NKAIN3: variants seen among roughly 807,000 people sequenced by gnomAD.
NKAIN3 encodes sodium/potassium-transporting ATPase subunit beta-1-interacting protein 3.
A neutral mutation model predicts 30.2 loss-of-function variants in NKAIN3; 25 were observed. That is an observed-to-expected ratio of 0.83 (90% CI 0.60 to 1.16). NKAIN3 has a LOEUF of 1.16. NKAIN3 is among the 50% of genes most tolerant of loss of function. The pLI is 0.00. For synonymous variants in NKAIN3, 91 were observed against 89.6 expected, an observed-to-expected ratio of 1.02 and a Z score of -0.09; for missense variants, 225 against 254.1, an observed-to-expected ratio of 0.89 and a Z score of 0.78.
intron 1 of NKAIN3, among the ~76,000 whole-genome samples, chr8:62,268,904 C>A (rs12541388): frequency 0.085 from 12,893 of 152,222 alleles, 754 homozygotes; most frequent in Non-Finnish European, 0.12. Flanking sequence ...GAGAAAAGGG[C>A]TCTCTAAATA....
intron 1 of NKAIN3, among the ~76,000 whole-genome samples, chr8:62,454,544 G>A (rs1007899013): frequency 9.7e-6 from 1 of 102,860 alleles, no homozygotes; most frequent in East Asian, 2.4e-4. Context: ...AAATTGAACT[G>A]TCATTCATGC....
At chr8:62,784,119 A>T (rs1030172889) in intron 4 of NKAIN3, among the ~76,000 whole-genome samples, 2 of 152,096 alleles carry the variant, frequency 1.3e-5, no homozygotes, top group Admixed American at 1.3e-4. Context: ...AATGTACAAG[A>T]CACAGCTAAC....
At chr8:62,779,028 G>A (rs943198021) in intron 4 of NKAIN3, among the ~76,000 whole-genome samples, 11 of 151,968 alleles carry the variant, frequency 7.2e-5, no homozygotes, top group Admixed American at 4.6e-4. Context: ...CTGGAATGGG[G>A]GCCTCAGGAC....
intron 1 of NKAIN3, among the ~76,000 whole-genome samples, chr8:62,434,409 T>C (rs982816988): frequency 6.6e-6 from 1 of 152,166 alleles, no homozygotes; most frequent in African/African-American, 2.4e-5. Context: ...GCAAGGCTTT[T>C]CAGCCCTGAG....
intron 1 of NKAIN3, among the ~76,000 whole-genome samples, chr8:62,441,685 A>G (rs976426017): frequency 5.3e-5 from 8 of 152,016 alleles, no homozygotes; most frequent in African/African-American, 1.9e-4. Context: ...GTAGATGAAC[A>G]TATATTGGTA....
chr8:62,936,709 T>A (rs1822798948), intron 5 of NKAIN3, among the ~76,000 whole-genome samples: 1 of 152,106 alleles, frequency 6.6e-6, no homozygotes, highest in Non-Finnish European at 1.5e-5. Flanking sequence ...TTTAAACCAT[T>A]CCATCTTATT....
intron 4 of NKAIN3, among the ~76,000 whole-genome samples, chr8:62,848,222 G>A (rs574863755): frequency 6.6e-6 from 1 of 152,266 alleles, no homozygotes; most frequent in South Asian, 2.1e-4. Context: ...TATGTCAATG[G>A]TAGTTTAATG....
At chr8:62,790,004 A>T (rs1817651552) in intron 4 of NKAIN3, among the ~76,000 whole-genome samples, 1 of 152,150 alleles carries the variant, frequency 6.6e-6, no homozygotes, top group Admixed American at 6.6e-5. Context: ...GCAGAGACAC[A>T]ATAAAAAAAG....
At chr8:62,663,734 A>G (rs1382036272) in intron 3 of NKAIN3, among the ~76,000 whole-genome samples, 2 of 152,122 alleles carry the variant, frequency 1.3e-5, no homozygotes, top group Non-Finnish European at 2.9e-5. Flanking sequence ...CTTTTTTCCG[A>G]TAGGCTCACA....
chr8:62,818,481 A>T (rs1413282194), intron 4 of NKAIN3, among the ~76,000 whole-genome samples: 1 of 152,106 alleles, frequency 6.6e-6, no homozygotes, highest in Non-Finnish European at 1.5e-5. Context: ...ATTTTATTTT[A>T]TCTCCTTTCC....
chr8:62,506,195 A>G (rs913048512), intron 1 of NKAIN3, among the ~76,000 whole-genome samples: 1 of 135,486 alleles, frequency 7.4e-6, no homozygotes, highest in South Asian at 2.7e-4. Context: ...CATATAATAT[A>G]TTTACAGGTT....
intron 3 of NKAIN3, among the ~76,000 whole-genome samples, chr8:62,666,955 G>T (rs1014774536): frequency 6.6e-6 from 1 of 152,010 alleles, no homozygotes; most frequent in African/African-American, 2.4e-5. Flanking sequence ...CCCCAAAAGA[G>T]GATCCTGTAG....
intron 1 of NKAIN3, among the ~76,000 whole-genome samples, chr8:62,368,751 A>T (rs1816814553): frequency 6.6e-6 from 1 of 152,106 alleles, no homozygotes; most frequent in South Asian, 2.1e-4. Context: ...TTATTAATAC[A>T]TGTAGTCAAG....
chr8:62,344,050 T>A (rs1815842032), intron 1 of NKAIN3, among the ~76,000 whole-genome samples: 1 of 152,062 alleles, frequency 6.6e-6, no homozygotes, highest in South Asian at 2.1e-4. Context: ...CATTTCATCT[T>A]GACATGAAAG....
At chr8:62,508,861 C>T (rs981842274) in intron 1 of NKAIN3, among the ~76,000 whole-genome samples, 7 of 134,970 alleles carry the variant, frequency 5.2e-5, no homozygotes, top group Non-Finnish European at 9.5e-5. Context: ...TGAATTTTCA[C>T]GAAGTCAGGG....
At chr8:62,376,637 C>T (rs916488364) in intron 1 of NKAIN3, among the ~76,000 whole-genome samples, 3 of 152,126 alleles carry the variant, frequency 2.0e-5, no homozygotes, top group Non-Finnish European at 4.4e-5. Flanking sequence ...GATCTCAGTT[C>T]CAACTCAAGT....
intron 5 of NKAIN3, among the ~76,000 whole-genome samples, chr8:62,938,962 T>G (rs1822867400): frequency 6.6e-6 from 1 of 152,156 alleles, no homozygotes; most frequent in South Asian, 2.1e-4. Flanking sequence ...CAAAGAGGCA[T>G]CAGAGAGAGG....
At position 62,939,246 on chromosome 8, in the gene NKAIN3, T is replaced by A. The variant is rs75485075; in HGVS notation, c.533-14656T>A. 6.2e-3 allele frequency among the ~76,000 whole-genome samples: 937 copies of A among 152,102 alleles called. 6 individuals are homozygous for A. Among genetic ancestry groups the A allele is most frequent in the African/African-American group, 0.021 (891 of 41,508 alleles). On this transcript the variant is annotated intron_variant, in intron 5 of 6. Coordinates refer to ENST00000623646, the MANE Select transcript of NKAIN3 (RefSeq NM_001304533.3). ...AAAATGAGTAAAGCCTCTACGAAGTTTGGGATTATGTTAAACAGCCAAACG... is the reference window on the plus strand; with the variant it reads ...AAAATGAGTAAAGCCTCTACGAAGTATGGGATTATGTTAAACAGCCAAACG...
At chr8:62,662,980 A>G (rs115776646) in intron 3 of NKAIN3, among the ~76,000 whole-genome samples, 1,801 of 152,340 alleles carry the variant, frequency 0.012, 36 homozygotes, top group African/African-American at 0.042. Context: ...CAGAGAATAC[A>G]GAATTTTATA....
Sources: allele counts gnomAD v4.1 joint callset (sites outside exome capture counted in the v4.1 genomes callset), GRCh38; gene constraint gnomAD v4.1.1; transcripts MANE v1.5; gene names NCBI Gene and HGNC (gene_info 2026-07-23, HGNC 2026-07-21).